Variants in BRINP3 observed in about 807,000 individuals in gnomAD.
BRINP3 encodes the protein BMP/retinoic acid inducible neural specific 3.
BRINP3 carries 19 observed loss-of-function variants against 71.0 expected under a neutral mutation model. The observed-to-expected ratio is 0.27, with a 90% confidence interval of 0.19 to 0.39. The LOEUF is 0.39. BRINP3 is among the 10% of genes least tolerant of loss of function. The pLI, the probability that BRINP3 is intolerant of heterozygous loss-of-function variation, is 1.00. For synonymous variants in BRINP3, 380 were observed against 337.7 expected (o/e 1.13, Z -1.37); for missense variants, 959 against 940.8 (o/e 1.02, Z -0.25).
chr1:190,285,775 G>C (rs1467504651), intron 2 of BRINP3, among the ~76,000 whole-genome samples: 1 of 151,612 alleles, frequency 6.6e-6, no homozygotes, highest in Non-Finnish European at 1.5e-5. Context: ...GTTACAACTA[G>C]ATCATGCATT....
At position 190,343,682 on chromosome 1, in the gene BRINP3, A is replaced by C. The variant is rs370908088; in HGVS notation, c.237-61932T>G. ...TGTTAGAGGTGTTAGATTAAAGAAAATTGGTAACATAGACCAGGGAGAGTA... is the reference window on the plus strand; with the variant it reads ...TGTTAGAGGTGTTAGATTAAAGAAACTTGGTAACATAGACCAGGGAGAGTA... On this transcript the variant is annotated intron_variant, in intron 2 of 7. Coordinates refer to ENST00000367462, the MANE Select transcript of BRINP3 (RefSeq NM_199051.3). 1.3e-4 allele frequency among the ~76,000 whole-genome samples: 20 copies of C among 151,506 alleles called. No individual in the cohort carries two copies. The South Asian group carries it at 4.0e-3, about 30-fold the overall frequency.
At chr1:190,114,847 G>T (rs926042980) in intron 7 of BRINP3, among the ~76,000 whole-genome samples, 1 of 151,924 alleles carries the variant, frequency 6.6e-6, no homozygotes, top group African/African-American at 2.4e-5. Context: ...ATTTACATTT[G>T]CTGTTTTGTA....
At chr1:190,446,725 A>G (rs922061270) in intron 2 of BRINP3, among the ~76,000 whole-genome samples, 1 of 152,084 alleles carries the variant, frequency 6.6e-6, no homozygotes, top group African/African-American at 2.4e-5. Flanking sequence ...TAATTTTACA[A>G]ATGAGGAGAC....
chr1:190,126,303 C>A (rs1213176553), intron 7 of BRINP3, among the ~76,000 whole-genome samples: 2 of 151,984 alleles, frequency 1.3e-5, no homozygotes, highest in South Asian at 2.1e-4. Flanking sequence ...AATGGTATTA[C>A]ATTGTATCTC....
At chr1:190,259,002 A>G (rs936508457) in intron 4 of BRINP3, among the ~76,000 whole-genome samples, 11 of 152,166 alleles carry the variant, frequency 7.2e-5, no homozygotes, top group Non-Finnish European at 1.5e-4. Context: ...TGAACTAATA[A>G]CCAAAATCTA....
At chr1:190,361,551 C>G (rs958227580) in intron 2 of BRINP3, among the ~76,000 whole-genome samples, 2 of 151,970 alleles carry the variant, frequency 1.3e-5, no homozygotes, top group African/African-American at 2.4e-5. Flanking sequence ...TACAGACACA[C>G]ATCACCACGC....
chr1:190,172,999 C>A (rs938086178), intron 6 of BRINP3, among the ~76,000 whole-genome samples: 2 of 152,128 alleles, frequency 1.3e-5, no homozygotes, highest in Non-Finnish European at 2.9e-5. Context: ...AAGAATGTTT[C>A]TTCAGTTCTC....
chr1:190,203,887 C>G (rs1304585577), intron 6 of BRINP3, among the ~76,000 whole-genome samples: 1 of 143,930 alleles, frequency 6.9e-6, no homozygotes, highest in African/African-American at 2.5e-5. Context: ...GTATTTCAAA[C>G]TGAAATAATG....
intron 2 of BRINP3, chr1:190,342,613 T>C (rs972700108): frequency 1.3e-5 from 2 of 151,392 alleles, no homozygotes; most frequent in Non-Finnish European, 1.5e-5. Flanking sequence ...TCTTCCTCTC[T>C]CATGAGGGCT....
intron 1 of BRINP3, among the ~76,000 whole-genome samples, chr1:190,459,053 A>T (rs1046708267): frequency 6.6e-6 from 1 of 151,680 alleles, no homozygotes; most frequent in Non-Finnish European, 1.5e-5. Context: ...GGTTTTTTTC[A>T]TAAAAAATAA....
In BRINP3 at chr1:190,404,337, C is replaced by G. The variant is rs115632270; in HGVS notation, c.236+50318G>C. Reference sequence around the variant, plus strand: ...AATTCTGGGATGCAGGGCTGATATGCAATAAAAATATATACTTTATATAAT... The same window carrying G: ...AATTCTGGGATGCAGGGCTGATATGGAATAAAAATATATACTTTATATAAT... On this transcript the variant is annotated intron_variant, in intron 2 of 7. Transcript: ENST00000367462. Among the ~76,000 whole-genome samples, 497 of 152,032 alleles carry G rather than the reference C, an allele frequency of 3.3e-3. 7 individuals carry two copies. Among genetic ancestry groups the G allele is most frequent in the African/African-American group, 0.011 (465 of 41,494 alleles).
At chr1:190,305,351 C>T (rs1237858124) in intron 2 of BRINP3, among the ~76,000 whole-genome samples, 1 of 151,520 alleles carries the variant, frequency 6.6e-6, no homozygotes, top group Admixed American at 6.6e-5. Context: ...GGAATCAATC[C>T]AAATGTCCAT....
intron 3 of BRINP3, among the ~76,000 whole-genome samples, chr1:190,281,168 A>G (rs1334174629): frequency 1.3e-5 from 2 of 152,014 alleles, no homozygotes; most frequent in Non-Finnish European, 2.9e-5. Flanking sequence ...GGTGCTAACA[A>G]TGTAATTGTA....
At chr1:190,382,112 T>G (rs1670585645) in intron 2 of BRINP3, among the ~76,000 whole-genome samples, 1 of 152,150 alleles carries the variant, frequency 6.6e-6, no homozygotes, top group African/African-American at 2.4e-5. Flanking sequence ...TCTGGAAGTC[T>G]GAAAATTTGT....
chr1:190,207,104 G>T (rs1655576082), intron 6 of BRINP3, among the ~76,000 whole-genome samples: 1 of 151,368 alleles, frequency 6.6e-6, no homozygotes. Flanking sequence ...GTGATACACT[G>T]AGCTCCTAGT....
At chr1:190,414,953 G>A (rs762378893) in intron 2 of BRINP3, among the ~76,000 whole-genome samples, 18 of 151,882 alleles carry the variant, frequency 1.2e-4, no homozygotes, top group East Asian at 3.9e-4. Flanking sequence ...AGACAGACTC[G>A]GTCTGTTTCT....
intron 7 of BRINP3, among the ~76,000 whole-genome samples, chr1:190,146,815 T>C (rs1325325501): frequency 6.6e-6 from 1 of 152,036 alleles, no homozygotes; most frequent in African/African-American, 2.4e-5. Context: ...TTTTCCCACA[T>C]AAATTTCAAT....
rs759653868 is a variant in BRINP3 at position 190,099,134 on chromosome 1, T to G, written c.1185A>C (p.Arg395Ser). The change falls in exon 8 of 8, where the codon AGA becomes AGC. Residue 395 changes from arginine (R) to serine (S), a missense_variant and splice_region_variant. Transcript: ENST00000367462. ...TGCGAGTAAGCCAGTAGGTTGAGGT[T>G]CTAGAAATACAAAACAGAACGAATC... ...KQPLISLPRQ[R>S]TSTYWLTRIQ... The G allele has an allele frequency of 1.6e-5, 26 of 1,611,832 alleles. No individual in the cohort carries two copies. The East Asian group carries it at 5.4e-4, about 33-fold the overall frequency.
rs1675649345 is a variant in BRINP3, at chr1:190,452,124, T to C, written c.236+2531A>G. Among the ~76,000 whole-genome samples, 2 of 152,190 alleles carry C rather than the reference T, an allele frequency of 1.3e-5. 1 individual carries two copies. Among genetic ancestry groups the C allele is most frequent in the South Asian group, 4.1e-4 (2 of 4,830 alleles). On this transcript the variant is annotated intron_variant, in intron 2 of 7. Coordinates refer to ENST00000367462, the MANE Select transcript of BRINP3 (RefSeq NM_199051.3). ...TTTTCCATCTATGTGTTTTAAGTAC[T>C]CACAAATTCTATATTTTTATGGCAA...
Sources: gnomAD v4.1 joint callset for allele counts (sites outside exome capture counted in the v4.1 genomes callset) on GRCh38, gnomAD v4.1.1 for gene constraint, MANE v1.5 for transcripts, NCBI Gene and HGNC (gene_info 2026-07-23, HGNC 2026-07-21) for gene names.